Variants in NOC4L observed in about 807,000 individuals in gnomAD.
NOC4L encodes the protein nucleolar complex protein 4 homolog.
NOC4L carries 40 observed loss-of-function variants against 62.8 expected under a neutral mutation model. The observed-to-expected ratio is 0.64, with a 90% CI of 0.49 to 0.83. NOC4L has a LOEUF of 0.83. NOC4L is among the 40% of genes least tolerant of loss of function. The pLI, the probability that NOC4L is intolerant of heterozygous loss-of-function variation, is 0.00. For synonymous variants in NOC4L, 433 were observed against 299.8 expected, an observed-to-expected ratio of 1.44 and a Z score of -4.59; for missense variants, 927 against 701.9, an observed-to-expected ratio of 1.32 and a Z score of -3.62.
At chr12:132,145,089 G>A (rs1897658943) in intron 2 of NOC4L, 115 bp downstream of exon 2, 1 of 1,386,292 alleles carries the variant, frequency 7.2e-7, no homozygotes, top group African/African-American at 1.4e-5. Context: ...GCTGGTGGGA[G>A]GACGCACCAA....
At position 132,147,372 on chromosome 12, in the gene NOC4L, C is replaced by T. The variant is rs1267196941; in HGVS notation, c.437C>T (p.Pro146Leu). The change falls in exon 4 of 15, where the codon CCC (proline) becomes CTC (leucine). Residue 146 changes from proline to leucine, a missense_variant. Pro to Leu is a moderately conservative substitution (Grantham distance 98). Transcript: ENST00000330579. ...KSKWEGNYLF[P>L]RELFKLVVGG... ...AAGTGGGAAGGCAACTACCTGTTCC[C>T]CCGAGAGCTCTTCAAGGTGAGGGCC... 2 of 1,593,370 alleles carry T rather than the reference C, an allele frequency of 1.3e-6. No individual in the cohort carries two copies. Among genetic ancestry groups the T allele is most frequent in the South Asian group, 1.1e-5 (1 of 88,194 alleles).
chr12:132,151,220 C>A, intron 10 of NOC4L, 38 bp from the exon 11 acceptor site: 1 of 1,562,952 alleles, frequency 6.4e-7, no homozygotes, highest in Non-Finnish European at 8.8e-7. Flanking sequence ...AGTTCCCGGG[C>A]CCTGCTCCAT....
At chr12:132,144,743 G>T (rs1409531667) in intron 1 of NOC4L, 111 bp from the exon 2 acceptor site, 32 of 1,484,324 alleles carry the variant, frequency 2.2e-5, no homozygotes, top group Non-Finnish European at 2.8e-5. Flanking sequence ...TCACGGGTCG[G>T]GGGTGACGGG....
At chr12:132,146,114 G>A (rs111918291) in intron 3 of NOC4L, 3 of 395,196 alleles carry the variant, frequency 7.6e-6, no homozygotes, top group African/African-American at 4.1e-5. Context: ...CATCTTTATC[G>A]CCCCGAAAAG....
chr12:132,151,841 C>T (rs1297840112), intron 13 of NOC4L, 21 bp downstream of exon 13: 9 of 1,605,720 alleles, frequency 5.6e-6, no homozygotes, highest in Non-Finnish European at 7.7e-6. Flanking sequence ...TGCTGCCACA[C>T]CCTGGGGCCT....
rs1169825135 is a variant in NOC4L at position 132,145,602 on chromosome 12, C to G, written c.282C>G (p.His94Gln). ...GGAAGTACAAGGTGTGGATGAGACACCGCTATCACAGCTGCTGCAATCGCT... is the reference window on the plus strand; with the variant it reads ...GGAAGTACAAGGTGTGGATGAGACAGCGCTATCACAGCTGCTGCAATCGCT... ...ATRKYKVWMRHRYHSCCNRLG... is the reference protein window; with the variant it reads ...ATRKYKVWMRQRYHSCCNRLG... The change falls in exon 3 of 15, where the codon CAC (histidine) becomes CAG (glutamine). Residue 94 changes from histidine (H) to glutamine (Q), a missense_variant. Transcript: ENST00000330579. 1 of 1,613,436 alleles carries G rather than the reference C, an allele frequency of 6.2e-7. No individual in the cohort carries two copies. Among genetic ancestry groups the G allele is most frequent in the Admixed American group, 1.7e-5 (1 of 59,982 alleles).
intron 4 of NOC4L, 39 bp from the exon 5 acceptor site, chr12:132,147,594 C>T: frequency 6.2e-7 from 1 of 1,604,128 alleles, no homozygotes; most frequent in Non-Finnish European, 8.5e-7. Context: ...CTGGCGTATG[C>T]TGGGCCGGGC....
rs372798627 is a variant in NOC4L, at chr12:132,152,137, C to G, written c.1371C>G (p.Asn457Lys). The change falls in exon 14 of 15, where the codon AAC (asparagine) becomes AAG (lysine). Residue 457 changes from asparagine to lysine, a missense_variant. Asn to Lys is a moderately conservative substitution (Grantham distance 94, BLOSUM62 0). Transcript: ENST00000330579. ...TGTCCAAAGCCGCCAGCGTCATCAA[C>G]CAGGCCCTGTCCATGCCTGAGGTCA... ...PEVSKAASVI[N>K]QALSMPEVSI... is the part of the protein sequence containing the mutation. The G allele has an allele frequency of 1.2e-6, 2 of 1,611,342 alleles. No homozygotes were observed. Among genetic ancestry groups the G allele is most frequent in the Admixed American group, 1.7e-5 (1 of 59,946 alleles).
chr12:132,148,485 A>G (rs557672057), intron 7 of NOC4L, 124 bp from the exon 8 acceptor site: 85 of 1,036,020 alleles, frequency 8.2e-5, no homozygotes, highest in Non-Finnish European at 1.1e-4. Context: ...GAAGGAAGGC[A>G]GGGTCAGAAA....
intron 3 of NOC4L, 41 bp downstream of exon 3, chr12:132,145,706 AC>A (rs1421361779): frequency 6.5e-6 from 9 of 1,380,606 alleles, no homozygotes. Context: ...CATCCCCTGC[AC>A]CCCAACTCCC....
At chr12:132,149,919 C>T (rs1897879500) in intron 9 of NOC4L, among the ~76,000 whole-genome samples, 1 of 9,480 alleles carries the variant, frequency 1.1e-4, no homozygotes, top group Non-Finnish European at 2.4e-4. Context: ...TGAGTGCCGC[C>T]GCCTCGCTCA....
rs750502253 is a variant in NOC4L, at chr12:132,145,573, A to C, written c.253A>C (p.Thr85Pro). Residue 85 changes from threonine (T) to proline (P), a missense_variant, in exon 3 of 15, where the codon ACA becomes CCA. Physicochemically the swap from Thr to Pro is conservative, Grantham distance 38. Transcript: ENST00000330579. ...EMVMTGSQGA[T>P]RKYKVWMRHR... ...CCTGTCTGCAGGGTCCCAGGGAGCC[A>C]CACGGAAGTACAAGGTGTGGATGAG... is the stretch of plus-strand genomic sequence containing the variant. 24 of 1,612,760 alleles carry C rather than the reference A, an allele frequency of 1.5e-5. No individual in the cohort carries two copies. Among genetic ancestry groups the C allele is most frequent in the Non-Finnish European group, 2.0e-5 (24 of 1,179,556 alleles).
chr12:132,151,870 C>G (rs754342376), intron 13 of NOC4L, 50 bp downstream of exon 13: 2 of 1,565,016 alleles, frequency 1.3e-6, no homozygotes, highest in Non-Finnish European at 1.7e-6. Context: ...ATCCTTCGGC[C>G]CCTCAGAAAG....
rs1897779763 is a variant in NOC4L at position 132,147,785 on chromosome 12, G to A, written c.603+3G>A. On this transcript the variant is annotated splice_donor_region_variant and intron_variant, in intron 5 of 14. Transcript: ENST00000330579. ...GGGTCACTGGCCAGCACCCCGAGGT[G>A]GGTGATGGGGTCCTGTCGCCAGCAT... The A allele has an allele frequency of 6.2e-7, 1 of 1,612,364 alleles. No individual in the cohort carries two copies. Among genetic ancestry groups the A allele is most frequent in the Non-Finnish European group, 8.5e-7 (1 of 1,179,922 alleles).
Position 132,144,970 on chromosome 12 carries a change from G to A in NOC4L, c.234G>A (p.Met78Ile). 1 of 1,598,072 alleles carries A rather than the reference G, an allele frequency of 6.3e-7. No individual in the cohort carries two copies. ...VGQLPSEEMV[M>I]TGSQGATRKY... ...AGCTGCCCTCTGAGGAGATGGTCAT[G>A]ACAGGTGAGCCCTGGAGGGCCCCGG... The change falls in exon 2 of 15, where the codon ATG (methionine) becomes ATA (isoleucine). Residue 78 changes from methionine (M) to isoleucine (I), a missense_variant. Coordinates refer to ENST00000330579, the MANE Select transcript of NOC4L (RefSeq NM_024078.3).
Position 132,151,558 on chromosome 12 carries a change from C to T in NOC4L, c.1148C>T (p.Ala383Val), listed in dbSNP as rs1872936761. 1 of 1,610,120 alleles carries T rather than the reference C, an allele frequency of 6.2e-7. No homozygotes were observed. The highest frequency in any genetic ancestry group is 8.5e-7 in the Non-Finnish European group (1 of 1,179,246). ...ARLALTAPPEALLMVLPFICN... is the reference protein window; with the variant it reads ...ARLALTAPPEVLLMVLPFICN... ...CTGGCCCTGACGGCTCCCCCTGAGG[C>T]CCTGCTCATGGTCCTGCCTTTCATC... The change falls in exon 12 of 15, where the codon GCC becomes GTC. Residue 383 changes from alanine (A) to valine (V), a missense_variant. By Grantham distance (64) the Ala-to-Val change is moderately conservative (BLOSUM62 0). Coordinates refer to ENST00000330579, the MANE Select transcript of NOC4L (RefSeq NM_024078.3).
intron 14 of NOC4L, 41 bp from the exon 15 acceptor site, chr12:132,152,241 C>T (rs1873030631): frequency 1.3e-6 from 2 of 1,598,016 alleles, no homozygotes; most frequent in Non-Finnish European, 1.7e-6. Context: ...CCACGGGGCG[C>T]TGAGCCAAGC....
Position 132,148,859 on chromosome 12 carries a change from C to T in NOC4L, c.865C>T (p.Leu289Phe), listed in dbSNP as rs140480584. The change falls in exon 9 of 15, where the codon CTC (leucine) becomes TTC (phenylalanine). Residue 289 changes from leucine (L) to phenylalanine (F), a missense_variant. Leu to Phe is a conservative substitution (Grantham distance 22). Coordinates refer to ENST00000330579, the MANE Select transcript of NOC4L (RefSeq NM_024078.3). ...CCTGCCGCAGCTGGCGCAGCCCACG[C>T]TCATGATCGACTTCCTCACCCGCGC... The part of the protein sequence containing the change: ...AILPQLAQPT[L>F]MIDFLTRACD... The T allele has an allele frequency of 4.3e-5, 69 of 1,601,394 alleles. No homozygotes were observed. In the African/African-American group the frequency reaches 7.6e-4, roughly 18 times the overall value.
chr12:132,151,759 A>G lies in NOC4L; in HGVS notation c.1256A>G (p.Asp419Gly). ...HGPELDADPY[D>G]PGEEDPAQSR... Reference sequence around the variant, plus strand: ...CTAGAGTTGGACGCCGACCCCTACGACCCTGGAGAGGAGGACCCAGCCCAG... The same window carrying G: ...CTAGAGTTGGACGCCGACCCCTACGGCCCTGGAGAGGAGGACCCAGCCCAG... The change falls in exon 13 of 15, where the codon GAC (aspartate) becomes GGC (glycine). Residue 419 changes from aspartate to glycine, a missense_variant. Transcript: ENST00000330579. 6.2e-7 allele frequency: 1 copy of G among 1,611,844 alleles called. No individual in the cohort carries two copies. Among genetic ancestry groups the G allele is most frequent in the African/African-American group, 1.3e-5 (1 of 74,792 alleles).
Sources: gnomAD v4.1 joint callset for allele counts (sites outside exome capture counted in the v4.1 genomes callset) on GRCh38, gnomAD v4.1.1 for gene constraint, MANE v1.5 for transcripts, NCBI Gene and HGNC (gene_info 2026-07-23, HGNC 2026-07-21) for gene names.